Variants in RBFOX1 observed in about 807,000 individuals in gnomAD.
RBFOX1 encodes the protein RNA binding protein fox-1 homolog 1.
RBFOX1 carries 8 observed loss-of-function variants against 57.7 expected under a neutral mutation model. The ratio of observed to expected loss-of-function variants is 0.14; its 90% CI spans 0.08 to 0.25. RBFOX1 has a LOEUF of 0.25. RBFOX1 is among the 10% of genes least tolerant of loss of function. The pLI is 1.00. For synonymous variants in RBFOX1, 326 were observed against 222.4 expected, an observed-to-expected ratio of 1.47 and a Z score of -4.15; for missense variants, 611 against 548.5, an observed-to-expected ratio of 1.11 and a Z score of -1.14.
chr16:6,880,021 G>A (rs1374142620), intron 3 of RBFOX1, among the ~76,000 whole-genome samples: 2 of 151,854 alleles, frequency 1.3e-5, no homozygotes, highest in South Asian at 2.1e-4. Context: ...TACTTGAAGC[G>A]CCTCTGTTTC....
chr16:6,613,462 C>T (rs2098097689), intron 2 of RBFOX1, among the ~76,000 whole-genome samples: 1 of 152,088 alleles, frequency 6.6e-6, no homozygotes, highest in South Asian at 2.1e-4. Flanking sequence ...CCCTTAAAGT[C>T]TTCCGCTCCA....
At chr16:7,261,076 T>C (rs981084549) in intron 4 of RBFOX1, among the ~76,000 whole-genome samples, 2 of 152,118 alleles carry the variant, frequency 1.3e-5, no homozygotes, top group Admixed American at 1.3e-4. Flanking sequence ...AAATGGACAA[T>C]AAAGGAATTT....
At chr16:5,442,471 G>A (rs899796592) in intron 1 of RBFOX1, among the ~76,000 whole-genome samples, 6 of 152,234 alleles carry the variant, frequency 3.9e-5, no homozygotes, top group African/African-American at 1.4e-4. Context: ...GCTGAGTGGA[G>A]GCAGGGAGGT....
At chr16:7,463,901 T>C (rs2060020345) in intron 4 of RBFOX1, among the ~76,000 whole-genome samples, 1 of 152,192 alleles carries the variant, frequency 6.6e-6, no homozygotes. Flanking sequence ...AAGTAGAGAC[T>C]ATTATTCATC....
chr16:7,077,787 T>G (rs2058536980), intron 4 of RBFOX1, among the ~76,000 whole-genome samples: 1 of 152,194 alleles, frequency 6.6e-6, no homozygotes, highest in South Asian at 2.1e-4. Flanking sequence ...AACTGATACT[T>G]AAATGAGGTT....
chr16:6,394,590 A>G (rs911573610), intron 2 of RBFOX1, among the ~76,000 whole-genome samples: 4 of 152,014 alleles, frequency 2.6e-5, no homozygotes, highest in Non-Finnish European at 5.9e-5. Flanking sequence ...CAGTTAAGAC[A>G]TATTTCAAAG....
chr16:6,952,930 C>T (rs1244104797), intron 3 of RBFOX1, among the ~76,000 whole-genome samples: 1 of 151,838 alleles, frequency 6.6e-6, no homozygotes, highest in Non-Finnish European at 1.5e-5. Context: ...AGCCTATTGC[C>T]CCATTGCACT....
intron 2 of RBFOX1, among the ~76,000 whole-genome samples, chr16:5,501,318 C>CAAAAAAAAAAAAAAAAAA (rs1160788118): frequency 3.4e-4 from 22 of 64,874 alleles, no homozygotes; most frequent in South Asian, 7.1e-4. Flanking sequence ...ACTCTGTCTA[C>CAAAAAAAAAAAAAAAAAA]AAAAAAAAAA....
At chr16:6,096,311 T>A (rs76739124) in intron 1 of RBFOX1, among the ~76,000 whole-genome samples, 4,367 of 152,218 alleles carry the variant, frequency 0.029, 197 homozygotes, top group African/African-American at 0.099. Context: ...CAAATATAAA[T>A]AAGTCCTTCA....
chr16:5,440,742 G>A (rs1290491174), intron 1 of RBFOX1, among the ~76,000 whole-genome samples: 1 of 152,130 alleles, frequency 6.6e-6, no homozygotes, highest in African/African-American at 2.4e-5. Context: ...GGGCAGCAGT[G>A]GTGGTGATAG....
intron 3 of RBFOX1, among the ~76,000 whole-genome samples, chr16:7,028,193 C>T (rs940045519): frequency 2.0e-5 from 3 of 152,088 alleles, no homozygotes; most frequent in Non-Finnish European, 2.9e-5. Flanking sequence ...GATAGATAGA[C>T]TCTTCCATTT....
intron 3 of RBFOX1, among the ~76,000 whole-genome samples, chr16:6,828,951 C>G (rs948720030): frequency 6.6e-6 from 1 of 151,920 alleles, no homozygotes; most frequent in Non-Finnish European, 1.5e-5. Context: ...TACACTCCCC[C>G]TTTCTTGAGT....
chr16:5,624,476 C>T (rs1204448693), intron 3 of RBFOX1, among the ~76,000 whole-genome samples: 9 of 152,352 alleles, frequency 5.9e-5, no homozygotes, highest in Admixed American at 3.3e-4. Context: ...GGATCACAGG[C>T]GTGAGCCATC....
chr16:5,810,686 C>G (rs890857815), intron 3 of RBFOX1, among the ~76,000 whole-genome samples: 1 of 152,154 alleles, frequency 6.6e-6, no homozygotes, highest in Non-Finnish European at 1.5e-5. Context: ...GGAGTAGGGT[C>G]TTCATACAAT....
intron 4 of RBFOX1, among the ~76,000 whole-genome samples, chr16:7,302,996 C>A (rs1042755114): frequency 6.6e-6 from 1 of 152,202 alleles, no homozygotes; most frequent in African/African-American, 2.4e-5. Flanking sequence ...CTGCAGCCGA[C>A]GGAGTAATCT....
At chr16:7,479,955 C>T (rs1402131495) in intron 4 of RBFOX1, among the ~76,000 whole-genome samples, 1 of 152,170 alleles carries the variant, frequency 6.6e-6, no homozygotes, top group Non-Finnish European at 1.5e-5. Flanking sequence ...TAGGAAAAGG[C>T]AAATGTTGGG....
chr16:6,770,557 A>G (rs931954115), intron 3 of RBFOX1, among the ~76,000 whole-genome samples: 2 of 152,020 alleles, frequency 1.3e-5, no homozygotes, highest in Non-Finnish European at 2.9e-5. Context: ...ATGTTCGTCA[A>G]CCTAGGGAAT....
chr16:6,189,223 TA>T (rs907216972), intron 1 of RBFOX1, among the ~76,000 whole-genome samples: 15 of 152,190 alleles, frequency 9.9e-5, no homozygotes, highest in African/African-American at 3.6e-4. Context: ...ACATCAAACA[TA>T]ACAAGCATTG....
rs1018989532 is a variant in RBFOX1 at position 5,774,327 on chromosome 16, CTA to C, written c.319-92974_319-92973del. 6.7e-4 allele frequency among the ~76,000 whole-genome samples: 102 copies of C among 152,242 alleles called. 1 individual carries two copies. Among genetic ancestry groups the C allele is most frequent in the African/African-American group, 2.3e-3 (94 of 41,510 alleles). ...AACACACTGGCTTCCTTTGACATTT[CTA>C]TGTTAGTGGGAATACTTGATCATAT... On this transcript the variant is annotated intron_variant, in intron 3 of 19. Transcript: ENST00000641259.
Sources: gnomAD v4.1 joint callset for allele counts (sites outside exome capture counted in the v4.1 genomes callset) on GRCh38, gnomAD v4.1.1 for gene constraint, MANE v1.5 for transcripts, NCBI Gene and HGNC (gene_info 2026-07-23, HGNC 2026-07-21) for gene names.